Variants in TMEM74 observed in about 807,000 individuals in gnomAD.
TMEM74 encodes transmembrane protein 74.
Under a neutral mutation model 18.1 loss-of-function variants are expected in TMEM74, and 13 were observed. The observed-to-expected ratio is 0.72, with a 90% confidence interval of 0.47 to 1.14. The LOEUF (loss-of-function observed/expected upper bound fraction) is 1.14, where lower values mean the gene tolerates loss of function less well. TMEM74 is among the 50% of genes most tolerant of loss of function. The probability of loss-of-function intolerance (pLI) is 0.00; values close to 1 mark genes in which losing one functional copy is unlikely to be tolerated. For missense variants in TMEM74, 372 were observed against 375.9 expected, an observed-to-expected ratio of 0.99 and a Z score of 0.09; for synonymous variants, 159 against 146.6, an observed-to-expected ratio of 1.08 and a Z score of -0.61.
intron 1 of TMEM74, among the ~76,000 whole-genome samples, chr8:108,758,174 A>AAAAT (rs1813999956): frequency 6.6e-6 from 1 of 152,174 alleles, no homozygotes; most frequent in East Asian, 1.9e-4. Flanking sequence ...TCCCTTTACA[A>AAAAT]AAATAAATAA....
chr8:108,614,377 T>C (rs1313705445), intron 2 of TMEM74, among the ~76,000 whole-genome samples: 1 of 152,178 alleles, frequency 6.6e-6, no homozygotes, highest in Admixed American at 6.5e-5. Flanking sequence ...TGATATTTTT[T>C]AGCTTAATTT....
At chr8:108,621,720 A>G (rs1812442111) in intron 2 of TMEM74, among the ~76,000 whole-genome samples, 1 of 152,160 alleles carries the variant, frequency 6.6e-6, no homozygotes, top group Non-Finnish European at 1.5e-5. Flanking sequence ...GTAGCTCTGC[A>G]TTCAAATCAT....
At chr8:108,618,027 G>A (rs1041870924) in intron 2 of TMEM74, among the ~76,000 whole-genome samples, 2 of 152,062 alleles carry the variant, frequency 1.3e-5, no homozygotes, top group African/African-American at 4.8e-5. Flanking sequence ...AGATGAAGAA[G>A]AAACTGCATC....
At chr8:108,707,704 A>G (rs12550296) in intron 1 of TMEM74, among the ~76,000 whole-genome samples, 36,272 of 152,054 alleles carry the variant, frequency 0.24, 5,560 homozygotes, top group East Asian at 0.49. Context: ...AAAATGAATT[A>G]AAGACTTAAC....
intron 1 of TMEM74, among the ~76,000 whole-genome samples, chr8:108,696,196 A>G (rs1813280219): frequency 6.6e-6 from 1 of 152,226 alleles, no homozygotes; most frequent in African/African-American, 2.4e-5. Flanking sequence ...GAGGCATTAA[A>G]GTGGTAATAG....
At chr8:108,622,722 T>C (rs1812456104) in intron 2 of TMEM74, among the ~76,000 whole-genome samples, 1 of 152,134 alleles carries the variant, frequency 6.6e-6, no homozygotes, top group Admixed American at 6.6e-5. Flanking sequence ...TCTTAAAGGA[T>C]AAAATTTTGA....
chr8:108,773,720 T>C (rs1814198216), intron 1 of TMEM74, among the ~76,000 whole-genome samples: 1 of 152,088 alleles, frequency 6.6e-6, no homozygotes, highest in Non-Finnish European at 1.5e-5. Context: ...GAGGTCCAAG[T>C]AGTAAGGAAT....
intron 1 of TMEM74, among the ~76,000 whole-genome samples, chr8:108,756,650 G>GAGAGAA (rs1813971476): frequency 7.4e-5 from 2 of 27,082 alleles, no homozygotes; most frequent in Non-Finnish European, 1.4e-4. Context: ...AAGAAAGAAA[G>GAGAGAA]AGAAAGAAAG....
At chr8:108,642,825 C>T (rs1812678976) in intron 2 of TMEM74, among the ~76,000 whole-genome samples, 1 of 152,084 alleles carries the variant, frequency 6.6e-6, no homozygotes, top group South Asian at 2.1e-4. Flanking sequence ...GCTCAAAGGC[C>T]TATTATATCA....
intron 2 of TMEM74, among the ~76,000 whole-genome samples, chr8:108,629,525 A>G (rs773166842): frequency 4.6e-5 from 7 of 152,040 alleles, no homozygotes; most frequent in Non-Finnish European, 8.8e-5. Context: ...CCCAAGACAC[A>G]TAATTGTCAG....
intron 2 of TMEM74, among the ~76,000 whole-genome samples, chr8:108,627,281 T>C (rs926808670): frequency 1.3e-5 from 2 of 152,012 alleles, no homozygotes; most frequent in African/African-American, 4.8e-5. Context: ...GGCTCTGTCA[T>C]ATGGTATCCA....
At chr8:108,725,912 A>G (rs1813632675) in intron 1 of TMEM74, among the ~76,000 whole-genome samples, 1 of 152,212 alleles carries the variant, frequency 6.6e-6, no homozygotes, top group African/African-American at 2.4e-5. Context: ...ACTAATATGT[A>G]ATTATTGCCA....
Position 108,694,155 on chromosome 8 carries a change from G to A in TMEM74, n.120-38718C>T, listed in dbSNP as rs140912279. 1.2e-4 allele frequency among the ~76,000 whole-genome samples: 18 copies of A among 152,286 alleles called. No homozygotes were observed. The East Asian group carries it at 3.1e-3, about 26-fold the overall frequency. On this transcript the variant is annotated intron_variant and non_coding_transcript_variant, in intron 1 of 3. Transcript: ENST00000518838. ...ATCAAGTAATTAAAGTGAAACTCGT[G>A]TCATGTGAAATTGACCACTTTAAAG... is the stretch of plus-strand genomic sequence containing the variant.
chr8:108,745,310 T>C (rs1813838346), intron 1 of TMEM74, among the ~76,000 whole-genome samples: 1 of 152,164 alleles, frequency 6.6e-6, no homozygotes, highest in African/African-American at 2.4e-5. Context: ...TGTAACTACT[T>C]AACTCTGCTG....
Position 108,784,625 on chromosome 8 carries a change from T to C in TMEM74, c.474A>G (p.Glu158=). The C allele has an allele frequency of 1.2e-6, 2 of 1,614,152 alleles. No individual in the cohort carries two copies. Among genetic ancestry groups the C allele is most frequent in the Non-Finnish European group, 1.7e-6 (2 of 1,180,018 alleles). ...SQEAAISLIS[E]EEDDTSSEAT... is the part of the protein sequence containing the mutation. Reference sequence around the variant, plus strand: ...CTTCTGAACTTGTATCATCCTCCTCTTCAGATATCAAAGATATGGCAGCCT... The same window carrying C: ...CTTCTGAACTTGTATCATCCTCCTCCTCAGATATCAAAGATATGGCAGCCT... Residue 158 remains glutamate, a synonymous_variant, in exon 2 of 2, where the codon GAA becomes GAG. Transcript: ENST00000297459.
chr8:108,742,576 A>T (rs1813812716), intron 1 of TMEM74, among the ~76,000 whole-genome samples: 1 of 152,168 alleles, frequency 6.6e-6, no homozygotes. Flanking sequence ...CTTCTGTGAA[A>T]CTATTCTTAT....
chr8:108,683,650 T>C (rs781247445), intron 1 of TMEM74, among the ~76,000 whole-genome samples: 17 of 151,986 alleles, frequency 1.1e-4, no homozygotes, highest in Non-Finnish European at 1.3e-4. Flanking sequence ...TTTCGATACA[T>C]GTAATGTATA....
At chr8:108,693,571 G>A (rs888680547) in intron 1 of TMEM74, among the ~76,000 whole-genome samples, 1 of 152,204 alleles carries the variant, frequency 6.6e-6, no homozygotes, top group Non-Finnish European at 1.5e-5. Flanking sequence ...AAAAGATTGA[G>A]CATAGAAATT....
intron 1 of TMEM74, among the ~76,000 whole-genome samples, chr8:108,662,656 G>T (rs1427065040): frequency 1.3e-5 from 2 of 152,116 alleles, no homozygotes; most frequent in African/African-American, 4.8e-5. Context: ...ATTAGGGAAG[G>T]CCTGTGTGCC....
Sources: gnomAD v4.1 joint callset for allele counts (sites outside exome capture counted in the v4.1 genomes callset) on GRCh38, gnomAD v4.1.1 for gene constraint, MANE v1.5 for transcripts, NCBI Gene and HGNC (gene_info 2026-07-23, HGNC 2026-07-21) for gene names.